The following CFH variants were observed in gnomAD, a reference collection of about 807,000 sequenced individuals.
The protein encoded by CFH is complement factor H, also known as H factor 1 (complement).
CFH carries 53 observed loss-of-function variants against 147.3 expected under a neutral mutation model. The observed-to-expected ratio is 0.36, with a 90% CI of 0.29 to 0.45. CFH has a LOEUF of 0.45. Ranked by LOEUF, CFH falls within the 20% of genes least tolerant of loss-of-function variation. The pLI, the probability that CFH is intolerant of heterozygous loss-of-function variation, is 1.00. For synonymous variants in CFH, 536 were observed against 489.4 expected (o/e 1.10, Z -1.26); for missense variants, 1,380 against 1,498.0 (o/e 0.92, Z 1.30).
intron 9 of CFH, among the ~76,000 whole-genome samples, chr1:196,700,651 C>T (rs1668423443): frequency 8.0e-6 from 1 of 124,642 alleles, no homozygotes; most frequent in Admixed American, 8.0e-5. Flanking sequence ...GAGATTCCGT[C>T]TCAAAAAAAA....
chr1:196,732,674 C>A (rs990786953), intron 15 of CFH, among the ~76,000 whole-genome samples: 1 of 152,004 alleles, frequency 6.6e-6, no homozygotes, highest in South Asian at 2.1e-4. Context: ...AGTCTTTGTG[C>A]GGACTGCTGT....
intron 17 of CFH, among the ~76,000 whole-genome samples, chr1:196,738,495 A>G (rs895004234): frequency 1.3e-5 from 2 of 152,210 alleles, no homozygotes; most frequent in African/African-American, 2.4e-5. Flanking sequence ...CTTCCATTCC[A>G]AAAGGGAGGA....
intron 9 of CFH, among the ~76,000 whole-genome samples, chr1:196,692,560 C>CTTCTTTCTTTCTTT (rs753204906): frequency 7.3e-6 from 1 of 136,372 alleles, no homozygotes. Context: ...TTCTTTCTTT[C>CTTCTTTCTTTCTTT]TTCTTTCTTT....
chr1:196,670,283 GA>G (rs1322677375), intron 1 of CFH, among the ~76,000 whole-genome samples: 1 of 152,122 alleles, frequency 6.6e-6, no homozygotes, highest in Non-Finnish European at 1.5e-5. Context: ...GACTTGGGGG[GA>G]CTGTTGGGAA....
chr1:196,692,744 CTTTTTCTTTCTTTCTTTCTTTCTTTCTT>C lies in CFH; in HGVS notation c.1336+2507_1336+2534del, dbSNP rs1383548400. ...TCTTTCTTTCTCTTTCCCTTCCTTT[CTTTTTCTTTCTTTCTTTCTTTCTTTCTT>C]TCTTTCTTTCTTTCTTTCTTTCTTT... On this transcript the variant is annotated intron_variant, in intron 9 of 21. Coordinates refer to ENST00000367429, the MANE Select transcript of CFH (RefSeq NM_000186.4). Among the ~76,000 whole-genome samples, 18 of 131,544 alleles carry C rather than the reference CTTTTTCTTTCTTTCTTTCTTTCTTTCTT, an allele frequency of 1.4e-4. 1 individual carries two copies. Among genetic ancestry groups the C allele is most frequent in the Admixed American group, 7.3e-4 (9 of 12,304 alleles). 86.3% of individuals were successfully genotyped at this position (131,544 alleles called of 152,430 possible).
intron 1 of CFH, among the ~76,000 whole-genome samples, chr1:196,671,378 AC>A (rs1335041556): frequency 6.6e-6 from 1 of 151,972 alleles, no homozygotes; most frequent in Non-Finnish European, 1.5e-5. Context: ...TTAAACAAAA[AC>A]ATGTAATGAC....
chr1:196,741,356 G>A, intron 18 of CFH: 1 of 176,360 alleles, frequency 5.7e-6, no homozygotes, highest in South Asian at 1.2e-4. Flanking sequence ...GGGGAAGCAG[G>A]CACCTTCTTC....
intron 1 of CFH, among the ~76,000 whole-genome samples, chr1:196,657,657 C>T (rs993017874): frequency 3.9e-5 from 6 of 152,112 alleles, no homozygotes; most frequent in Admixed American, 3.9e-4. Flanking sequence ...AAATTTAATG[C>T]AAAATACCTA....
chr1:196,695,683 G>A (rs1668237281), intron 9 of CFH, among the ~76,000 whole-genome samples: 1 of 151,966 alleles, frequency 6.6e-6, no homozygotes, highest in Admixed American at 6.6e-5. Context: ...TTATTTCCCT[G>A]AGCAGTGGTT....
chr1:196,714,660 TATATATATAGAGAGAG>T (rs1168345394), intron 10 of CFH, among the ~76,000 whole-genome samples: 19 of 43,516 alleles, frequency 4.4e-4, no homozygotes, highest in East Asian at 3.6e-3. Context: ...TATATATATA[TATATATATAGAGAGAG>T]AGAGAGAGAG....
At chr1:196,746,550 T>A (rs899383638) in intron 21 of CFH, among the ~76,000 whole-genome samples, 1 of 152,258 alleles carries the variant, frequency 6.6e-6, no homozygotes, top group Non-Finnish European at 1.5e-5. Flanking sequence ...TTTGACAATA[T>A]GTTGTTTTGA....
rs541174643 is a variant in CFH at position 196,687,246 on chromosome 1, C to G, written c.964+2009C>G. On this transcript the variant is annotated intron_variant, in intron 7 of 21. Coordinates refer to ENST00000367429, the MANE Select transcript of CFH (RefSeq NM_000186.4). ...TGGAAACACCATAAATGCTGTGAAA[C>G]CAAAAACTACATTTGTAGAAGTGTA... Among the ~76,000 whole-genome samples, 210 of 152,018 alleles carry G rather than the reference C, an allele frequency of 1.4e-3. 1 individual carries two copies. The highest frequency in any genetic ancestry group is 4.8e-3 in the African/African-American group (198 of 41,510).
rs1440546601 is a variant in CFH, at chr1:196,690,204, A to C, written c.1301A>C (p.Asn434Thr). Residue 434 changes from asparagine to threonine, a missense_variant, in exon 9 of 22, where the codon AAT becomes ACT. Physicochemically the swap from Asn to Thr is moderately conservative, Grantham distance 65 (BLOSUM62 0). This residue lies in a region of CFH where 830 missense variants were observed against 821.4 expected (regional missense o/e 1.01). Coordinates refer to ENST00000367429, the MANE Select transcript of CFH (RefSeq NM_000186.4). Reference sequence around the variant, plus strand: ...CAGACCACAGTTACATGTATGGAGAATGGCTGGTCTCCTACTCCCAGATGC... The same window carrying C: ...CAGACCACAGTTACATGTATGGAGACTGGCTGGTCTCCTACTCCCAGATGC... ...KAQTTVTCMENGWSPTPRCIR... is the reference protein window; with the variant it reads ...KAQTTVTCMETGWSPTPRCIR... 1 of 1,613,372 alleles carries C rather than the reference A, an allele frequency of 6.2e-7. No individual in the cohort carries two copies. The highest frequency in any genetic ancestry group is 1.1e-5 in the South Asian group (1 of 91,084).
intron 1 of CFH, among the ~76,000 whole-genome samples, chr1:196,655,578 A>C (rs533448512): frequency 6.6e-6 from 1 of 152,170 alleles, no homozygotes; most frequent in Non-Finnish European, 1.5e-5. Flanking sequence ...GCCAGTCTAC[A>C]TTGACCCACT....
At chr1:196,656,724 G>A (rs1666707011) in intron 1 of CFH, among the ~76,000 whole-genome samples, 1 of 124,756 alleles carries the variant, frequency 8.0e-6, no homozygotes, top group African/African-American at 3.2e-5. Context: ...GGTCCTAATT[G>A]TACTGTCTCT....
At chr1:196,733,919 G>T (rs1344881646) in intron 15 of CFH, among the ~76,000 whole-genome samples, 7 of 152,030 alleles carry the variant, frequency 4.6e-5, no homozygotes, top group African/African-American at 1.7e-4. Flanking sequence ...AGAAACAGGG[G>T]ACTGTTTTTT....
At chr1:196,730,309 T>C (rs549278518) in intron 15 of CFH, among the ~76,000 whole-genome samples, 15 of 152,036 alleles carry the variant, frequency 9.9e-5, no homozygotes, top group African/African-American at 3.6e-4. Flanking sequence ...TGAAAATATT[T>C]TTAAATTTAT....
At chr1:196,653,061 T>G (rs1666558500) in intron 1 of CFH, among the ~76,000 whole-genome samples, 1 of 151,762 alleles carries the variant, frequency 6.6e-6, no homozygotes, top group African/African-American at 2.4e-5. Flanking sequence ...TAAAGAAATT[T>G]TGATTGAGTG....
chr1:196,723,982 G>A (rs751512430), intron 11 of CFH, among the ~76,000 whole-genome samples: 30 of 152,124 alleles, frequency 2.0e-4, no homozygotes, highest in African/African-American at 7.0e-4. Flanking sequence ...GGACCATTGG[G>A]CTCCTGGGAT....
Sources: allele counts gnomAD v4.1 joint callset (sites outside exome capture counted in the v4.1 genomes callset), GRCh38; gene constraint gnomAD v4.1.1; regional missense constraint gnomAD v4.1.1; transcripts MANE v1.5; gene names NCBI Gene and HGNC (gene_info 2026-07-23, HGNC 2026-07-21).